The following NTF4 variants were observed in gnomAD, a reference collection of about 807,000 sequenced individuals.
NTF4 encodes the protein neurotrophin-4.
NTF4 carries 2 observed loss-of-function variants against 4.4 expected under a neutral mutation model. The ratio of observed to expected loss-of-function variants is 0.46; its 90% confidence interval spans 0.19 to 1.44. The LOEUF is 1.44. Among genes scored for constraint, NTF4 ranks in the 40% most tolerant of loss-of-function variants. NTF4 has a pLI of 0.26. For synonymous variants in NTF4, 127 were observed against 122.0 expected (o/e 1.04, Z -0.27); for missense variants, 260 against 293.0 (o/e 0.89, Z 0.82).
At chr19:49,059,730 T>C (rs1286213705), downstream of NTF4, among the ~76,000 whole-genome samples, 1 of 151,994 alleles carries the variant, frequency 6.6e-6, no homozygotes. Context: ...GTCCCTGGCT[T>C]CCCTTGTCAC....
chr19:49,064,522 C>T (rs1006643111), upstream of NTF4: 4 of 158,544 alleles, frequency 2.5e-5, no homozygotes, highest in African/African-American at 7.3e-5. Flanking sequence ...CCTTCTCCCT[C>T]AGACCCAGGA....
rs555228417 is a variant in NTF4 at position 49,061,352 on chromosome 19, C to G, written c.*13G>C. On this transcript the variant is annotated 3_prime_UTR_variant, in exon 1 of 1. Coordinates refer to ENST00000593537, the Ensembl canonical transcript of NTF4. The surrounding 1 kb of genome is among the most constrained non-coding windows in gnomAD (Gnocchi z 4.9). ...CTCAGCATCCAGCTCTGTTATTTTC[C>G]TGGGCATGGGTCTCAGGCCCGGCCA... 1.3e-4 allele frequency: 209 copies of G among 1,611,564 alleles called. No individual in the cohort carries two copies. The highest frequency in any genetic ancestry group is 1.6e-4 in the Non-Finnish European group (191 of 1,180,014).
chr19:49,061,722 A>AC lies in NTF4; in HGVS notation c.275dup (p.Glu93Ter), dbSNP rs1227091410. On this transcript the variant is annotated frameshift_variant, in exon 1 of 1. Coordinates refer to ENST00000593537, the Ensembl canonical transcript of NTF4. LOFTEE classifies it low-confidence loss of function (END_TRUNC). This position sits in a 1 kb window ranked among gnomAD's most constrained non-coding sequence, Gnocchi z 4.9. ...TGACTGCATCGCACACAGCCAGCTC[A>AC]CCCCGACGACTCGCTGGTGCAGTTT... 6.2e-7 allele frequency: 1 copy of AC among 1,612,492 alleles called. No homozygotes were observed. Among genetic ancestry groups the AC allele is most frequent in the Non-Finnish European group, 8.5e-7 (1 of 1,179,602 alleles).
upstream of NTF4, among the ~76,000 whole-genome samples, chr19:49,062,352 G>T (rs902547640): frequency 6.6e-6 from 1 of 152,178 alleles, no homozygotes; most frequent in Admixed American, 6.5e-5. Context: ...ACCGGGCATA[G>T]TGCTGCACGC....
At chr19:49,061,042 C>T (rs867829711), downstream of NTF4, 44 of 384,352 alleles carry the variant, frequency 1.1e-4, no homozygotes, top group African/African-American at 6.8e-4. The surrounding 1 kb of genome is among the most constrained non-coding windows in gnomAD (Gnocchi z 4.9). Context: ...AGCAACTTAA[C>T]ACCAAGGGCC....
chr19:49,062,762 C>T (rs1324757136), upstream of NTF4, among the ~76,000 whole-genome samples: 2 of 152,008 alleles, frequency 1.3e-5, no homozygotes, highest in Non-Finnish European at 2.9e-5. Flanking sequence ...CCAGCCTGGG[C>T]AACAAGAGCG....
chr19:49,061,866 G>T lies in NTF4; in HGVS notation c.132C>A (p.Pro44=), dbSNP rs1236575649. 7.1e-6 allele frequency: 11 copies of T among 1,543,838 alleles called. No homozygotes were observed. Among genetic ancestry groups the T allele is most frequent in the South Asian group, 1.2e-5 (1 of 83,966 alleles). ...GGGCACCCCTAGACAGGACTACTCG[G>T]GGGGAGAGAAGGTCCCACTCAGGGG... Residue 44 remains proline, a synonymous_variant, in exon 1 of 1, where the codon CCC becomes CCA. Coordinates refer to ENST00000593537, the Ensembl canonical transcript of NTF4. The surrounding 1 kb of genome is among the most constrained non-coding windows in gnomAD (Gnocchi z 4.9).
downstream of NTF4, chr19:49,058,586 A>AT (rs1243094774): frequency 4.2e-6 from 2 of 479,504 alleles, no homozygotes; most frequent in African/African-American, 4.0e-5. Flanking sequence ...CAGGCCCCGC[A>AT]GGGCTTCAGC....
At chr19:49,062,534 C>CA (rs1357466310), upstream of NTF4, among the ~76,000 whole-genome samples, 1 of 152,054 alleles carries the variant, frequency 6.6e-6, no homozygotes, top group African/African-American at 2.4e-5. Context: ...CCTGTAATCC[C>CA]GGCACTTTGG....
chr19:49,062,794 T>C (rs1411707997), upstream of NTF4, among the ~76,000 whole-genome samples: 1 of 151,878 alleles, frequency 6.6e-6, no homozygotes, highest in Non-Finnish European at 1.5e-5. Flanking sequence ...TAAAAAACAA[T>C]AATAATAATA....
In NTF4 at chr19:49,061,287, A is replaced by G; in HGVS notation, c.*78T>C. 1 of 1,596,732 alleles carries G rather than the reference A, an allele frequency of 6.3e-7. No homozygotes were observed. The highest frequency in any genetic ancestry group is 1.1e-5 in the South Asian group (1 of 89,748). On this transcript the variant is annotated 3_prime_UTR_variant, in exon 1 of 1. Coordinates refer to ENST00000593537, the Ensembl canonical transcript of NTF4. The surrounding 1 kb of genome is among the most constrained non-coding windows in gnomAD (Gnocchi z 4.9). ...TTTGTGATTATTTGATGAGTTCCCAAACTGGGGTCCTTAGATCAGCTGGGC... is the reference window on the plus strand; with the variant it reads ...TTTGTGATTATTTGATGAGTTCCCAGACTGGGGTCCTTAGATCAGCTGGGC...
Position 49,061,661 on chromosome 19 carries a change from A to G in NTF4, c.337T>C (p.Leu113=). Residue 113 remains leucine (L), a synonymous_variant, in exon 1 of 1, where the codon TTG becomes CTG. Transcript: ENST00000593537. This position sits in a 1 kb window ranked among gnomAD's most constrained non-coding sequence, Gnocchi z 4.9. Reference sequence around the variant, plus strand: ...AACACCTCCACCTCGCGCCCACGCAAGTCCACAGCGGTCCGGCGGTCTGTC... The same window carrying G: ...AACACCTCCACCTCGCGCCCACGCAGGTCCACAGCGGTCCGGCGGTCTGTC... 1 of 1,613,538 alleles carries G rather than the reference A, an allele frequency of 6.2e-7. No individual in the cohort carries two copies.
downstream of NTF4, among the ~76,000 whole-genome samples, chr19:49,059,242 C>T (rs778846382): frequency 3.3e-5 from 5 of 152,158 alleles, no homozygotes; most frequent in African/African-American, 1.2e-4. Context: ...CCTTCCCGCA[C>T]GTGCTGAAGG....
In NTF4 at chr19:49,061,707, G is replaced by A. The variant is rs556785762; in HGVS notation, c.291C>T (p.Cys97=). 1.2e-5 allele frequency: 19 copies of A among 1,613,186 alleles called. No individual in the cohort carries two copies. The highest frequency in any genetic ancestry group is 2.2e-5 in the East Asian group (1 of 44,882). The change falls in exon 1 of 1, where the codon TGC becomes TGT. Residue 97 remains cysteine (C), a synonymous_variant. Transcript: ENST00000593537. The surrounding 1 kb of genome is among the most constrained non-coding windows in gnomAD (Gnocchi z 4.9). ...CTGTCACCCAGCCACTGACTGCATC[G>A]CACACAGCCAGCTCACCCCGACGAC...
upstream of NTF4, among the ~76,000 whole-genome samples, chr19:49,062,652 C>T (rs889657249): frequency 4.0e-5 from 6 of 150,444 alleles, no homozygotes; most frequent in Non-Finnish European, 7.4e-5. Context: ...GGTGTGGTGG[C>T]GCATGTCTGT....
In NTF4 at chr19:49,061,978, C is replaced by A; in HGVS notation, c.20G>T (p.Cys7Phe). The change falls in exon 1 of 1, where the codon TGC becomes TTC. Residue 7 changes from cysteine to phenylalanine, a missense_variant. By Grantham distance (205) the Cys-to-Phe change is radical. Transcript: ENST00000593537. This position sits in a 1 kb window ranked among gnomAD's most constrained non-coding sequence, Gnocchi z 4.9. Reference sequence around the variant, plus strand: ...GAAAAGGAGGAGGATGGGGAGGGAGCATGAGGGGAGAGGGAGCATCTCTCG... The same window carrying A: ...GAAAAGGAGGAGGATGGGGAGGGAGAATGAGGGGAGAGGGAGCATCTCTCG... The A allele has an allele frequency of 6.8e-7, 1 of 1,479,864 alleles. No individual in the cohort carries two copies. The highest frequency in any genetic ancestry group is 2.2e-5 in the Admixed American group (1 of 45,076). 91.7% of individuals were successfully genotyped at this position (1,479,864 alleles called of 1,614,324 possible).
At chr19:49,063,836 A>T (rs1381138856), upstream of NTF4, 1 of 152,140 alleles carries the variant, frequency 6.6e-6, no homozygotes, top group Non-Finnish European at 1.5e-5. Context: ...CCTTCCTGAC[A>T]TCTCAGGAGA....
upstream of NTF4, among the ~76,000 whole-genome samples, chr19:49,063,318 T>C (rs546801073): frequency 7.3e-6 from 1 of 136,714 alleles, no homozygotes; most frequent in South Asian, 2.2e-4. Flanking sequence ...CAAACAAAAT[T>C]TTTTTTTTTT....
In NTF4 at chr19:49,061,257, G is replaced by T; in HGVS notation, c.*108C>A. On this transcript the variant is annotated 3_prime_UTR_variant, in exon 1 of 1. Transcript: ENST00000593537. The surrounding 1 kb of genome is among the most constrained non-coding windows in gnomAD (Gnocchi z 4.9). ...AGATTGAGCTCAAAATCAGAGAATT[G>T]TGATTTTGTGATTATTTGATGAGTT... 4 of 1,548,300 alleles carry T rather than the reference G, an allele frequency of 2.6e-6. No individual in the cohort carries two copies. Among genetic ancestry groups the T allele is most frequent in the Non-Finnish European group, 3.5e-6 (4 of 1,151,118 alleles).
Sources: allele counts gnomAD v4.1 joint callset (sites outside exome capture counted in the v4.1 genomes callset), GRCh38; gene constraint gnomAD v4.1.1; non-coding constraint Gnocchi (gnomAD v3.1); transcripts MANE v1.5; gene names NCBI Gene and HGNC (gene_info 2026-07-23, HGNC 2026-07-21).